The following CCDC7 variants were observed in gnomAD, a reference collection of about 807,000 sequenced individuals.
CCDC7 encodes the protein coiled-coil domain-containing protein 7.
Under a neutral mutation model 196.9 loss-of-function variants are expected in CCDC7, and 183 were observed. That is an observed-to-expected ratio of 0.93 (90% CI 0.82 to 1.05). CCDC7 has a LOEUF of 1.05. Among genes scored for constraint, CCDC7 ranks in the 50% least tolerant of loss-of-function variants. The probability of loss-of-function intolerance (pLI) is 0.00; values close to 1 mark genes in which losing one functional copy is unlikely to be tolerated. For missense variants in CCDC7, 1,540 were observed against 1,482.2 expected (o/e 1.04, Z -0.64); for synonymous variants, 525 against 484.6 (o/e 1.08, Z -1.10).
At chr10:32,699,477 A>AG (rs1565188737) in intron 24 of CCDC7, among the ~76,000 whole-genome samples, 3 of 149,464 alleles carry the variant, frequency 2.0e-5, no homozygotes, top group African/African-American at 7.7e-5. Flanking sequence ...GGTTGGTTCC[A>AG]AGTCTTTGCT....
chr10:32,647,998 A>G (rs2068073675), intron 20 of CCDC7, among the ~76,000 whole-genome samples: 1 of 152,210 alleles, frequency 6.6e-6, no homozygotes, highest in Admixed American at 6.5e-5. Flanking sequence ...TTGAGTTGAT[A>G]CTCATATAAG....
At chr10:32,445,756 C>G (rs1194635975), upstream of CCDC7, among the ~76,000 whole-genome samples, 2 of 152,100 alleles carry the variant, frequency 1.3e-5, no homozygotes, top group Non-Finnish European at 2.9e-5. Context: ...CACTTCCGTG[C>G]GAGCTTAGAG....
intron 21 of CCDC7, among the ~76,000 whole-genome samples, chr10:32,685,567 A>G (rs1224117442): frequency 1.3e-5 from 2 of 152,238 alleles, no homozygotes; most frequent in African/African-American, 4.8e-5. Context: ...TTTATGGTAT[A>G]TACATTGGCT....
intron 9 of CCDC7, chr10:32,514,440 A>C (rs575985897): frequency 4.2e-4 from 64 of 152,366 alleles, no homozygotes; most frequent in African/African-American, 1.5e-3. Flanking sequence ...CCACAATCCA[A>C]AGAATGCCAG....
chr10:32,544,308 C>T lies in CCDC7; in HGVS notation c.1134+7C>T, dbSNP rs548344653. 2 of 1,607,080 alleles carry T rather than the reference C, an allele frequency of 1.2e-6. No individual in the cohort carries two copies. Among genetic ancestry groups the T allele is most frequent in the Admixed American group, 1.7e-5 (1 of 59,240 alleles). ...AGATTTGGATCAAGTACAGGTAACA[C>T]ACCCACTCTCTCTATGCATCAATAT... On this transcript the variant is annotated splice_region_variant and intron_variant, in intron 13 of 41. Coordinates refer to ENST00000639629, the Ensembl canonical transcript of CCDC7.
At chr10:32,832,992 T>G (rs1175151775) in intron 32 of CCDC7, among the ~76,000 whole-genome samples, 1 of 151,812 alleles carries the variant, frequency 6.6e-6, no homozygotes, top group Non-Finnish European at 1.5e-5. Flanking sequence ...GTAACTCAAA[T>G]CCACAGGAAA....
intron 14 of CCDC7, 127 bp downstream of exon 15, chr10:32,565,747 T>A: frequency 1.1e-6 from 1 of 931,082 alleles, no homozygotes; most frequent in Non-Finnish European, 1.5e-6. Flanking sequence ...TGGCTAGGTT[T>A]AAACTATATT....
intron 9 of CCDC7, among the ~76,000 whole-genome samples, chr10:32,505,573 CT>C (rs1564486349): frequency 6.6e-6 from 1 of 152,090 alleles, no homozygotes. Context: ...TCTCCTATGT[CT>C]ACTTCTTTCT....
At chr10:32,743,934 A>G (rs1565365390) in intron 28 of CCDC7, among the ~76,000 whole-genome samples, 1 of 144,160 alleles carries the variant, frequency 6.9e-6, no homozygotes, top group African/African-American at 2.6e-5. Flanking sequence ...TGGGAATTCA[A>G]TAATGAGAAC....
At chr10:32,869,230 G>T (rs1182446298) in intron 41 of CCDC7, among the ~76,000 whole-genome samples, 1 of 152,136 alleles carries the variant, frequency 6.6e-6, no homozygotes, top group African/African-American at 2.4e-5. Flanking sequence ...TCCAGCACCT[G>T]TTGTTTCCTG....
At chr10:32,855,243 C>G (rs974048812) in intron 41 of CCDC7, among the ~76,000 whole-genome samples, 1 of 151,068 alleles carries the variant, frequency 6.6e-6, no homozygotes, top group African/African-American at 2.4e-5. Context: ...CTTAAGGCAG[C>G]AGTCCTCAAC....
chr10:32,504,115 GT>G (rs748760643), intron 9 of CCDC7, among the ~76,000 whole-genome samples: 1,729 of 96,256 alleles, frequency 0.018, 23 homozygotes, highest in African/African-American at 0.062. Flanking sequence ...TTTATTGCTG[GT>G]TTTTTTTTTT....
chr10:32,847,120 C>T (rs933993226), intron 37 of CCDC7, among the ~76,000 whole-genome samples: 2 of 152,168 alleles, frequency 1.3e-5, no homozygotes, highest in African/African-American at 2.4e-5. Flanking sequence ...GATGCATGTT[C>T]AAGGCTCTGC....
At chr10:32,671,343 A>G (rs2074021848) in intron 21 of CCDC7, among the ~76,000 whole-genome samples, 1 of 152,206 alleles carries the variant, frequency 6.6e-6, no homozygotes, top group Admixed American at 6.5e-5. Flanking sequence ...CAAATTGAAT[A>G]CAGTATTTAG....
intron 28 of CCDC7, among the ~76,000 whole-genome samples, chr10:32,749,055 T>C (rs1203421332): frequency 6.6e-6 from 1 of 152,220 alleles, no homozygotes; most frequent in Non-Finnish European, 1.5e-5. Context: ...AGCAATTCAC[T>C]AATTGCAATT....
At chr10:32,645,815 T>G (rs1269342951) in intron 20 of CCDC7, among the ~76,000 whole-genome samples, 1 of 152,080 alleles carries the variant, frequency 6.6e-6, no homozygotes, top group Non-Finnish European at 1.5e-5. Context: ...GTTTTCCAAT[T>G]TGTTGGCATA....
intron 9 of CCDC7, among the ~76,000 whole-genome samples, chr10:32,497,157 A>G (rs1179560349): frequency 6.6e-6 from 1 of 152,142 alleles, no homozygotes; most frequent in East Asian, 1.9e-4. Flanking sequence ...CATTTCTTCT[A>G]GATTTTCTAG....
chr10:32,449,311 C>T (rs889106469), upstream of CCDC7, among the ~76,000 whole-genome samples: 2 of 152,028 alleles, frequency 1.3e-5, no homozygotes, highest in African/African-American at 4.8e-5. Flanking sequence ...CTCAGCCTCC[C>T]GAGTAGCTGA....
chr10:32,687,878 A>C (rs1762525), intron 22 of CCDC7, among the ~76,000 whole-genome samples: 52,155 of 152,060 alleles, frequency 0.34, 11,337 homozygotes, highest in Non-Finnish European at 0.49. Context: ...GTGGGGCTGT[A>C]TGTTGGCCCT....
Sources: gnomAD v4.1 joint callset for allele counts (sites outside exome capture counted in the v4.1 genomes callset) on GRCh38, gnomAD v4.1.1 for gene constraint, MANE v1.5 for transcripts, NCBI Gene and HGNC (gene_info 2026-07-23, HGNC 2026-07-21) for gene names.